SPPL3: variants seen among roughly 807,000 people sequenced by gnomAD.
The protein encoded by SPPL3 is signal peptide peptidase like 3.
A neutral mutation model predicts 42.4 loss-of-function variants in SPPL3; 5 were observed. The observed-to-expected ratio is 0.12, with a 90% confidence interval of 0.06 to 0.25. SPPL3 has a LOEUF of 0.25. SPPL3 is among the 10% of genes least tolerant of loss of function. The pLI is 1.00. For missense variants in SPPL3, 235 were observed against 489.0 expected (o/e 0.48, Z 4.90); for synonymous variants, 195 against 181.8 (o/e 1.07, Z -0.58).
intron 1 of SPPL3, among the ~76,000 whole-genome samples, chr12:120,882,287 G>T (rs1278818399): frequency 6.6e-6 from 1 of 152,118 alleles, no homozygotes; most frequent in Non-Finnish European, 1.5e-5. Flanking sequence ...GATAAGAGGG[G>T]ACTACTGTAT....
Position 120,813,744 on chromosome 12 carries a change from GA to G in SPPL3, c.24-2859del, listed in dbSNP as rs1347298216. On this transcript the variant is annotated intron_variant, in intron 1 of 10. Coordinates refer to ENST00000353487, the MANE Select transcript of SPPL3 (RefSeq NM_139015.5). ...TCTTGGGTTCCTAAGGAAGCCAACT[GA>G]AATCCAACTCAGAGTAACTCAACCC... is the stretch of plus-strand genomic sequence containing the variant. Among the ~76,000 whole-genome samples, 3 of 152,056 alleles carry G rather than the reference GA, an allele frequency of 2.0e-5. No homozygotes were observed. In the East Asian group the frequency reaches 5.8e-4, roughly 29 times the overall value.
At position 120,769,098 on chromosome 12, in the gene SPPL3, T is replaced by A. The variant is rs548390076; in HGVS notation, c.503-39A>T. ...AGGGTACAGCAGACAGCAGTCAGTG[T>A]GGACTCCAGGCTCATCCTCTTTCCA... On this transcript the variant is annotated intron_variant, in intron 6 of 10. Coordinates refer to ENST00000353487, the MANE Select transcript of SPPL3 (RefSeq NM_139015.5). 4 of 1,501,284 alleles carry A rather than the reference T, an allele frequency of 2.7e-6. No homozygotes were observed. The South Asian group carries it at 4.7e-5, about 18-fold the overall frequency. 93.0% of individuals were successfully genotyped at this position (1,501,284 alleles called of 1,614,324 possible).
chr12:120,868,733 G>A (rs545970793), intron 1 of SPPL3, among the ~76,000 whole-genome samples: 1 of 152,142 alleles, frequency 6.6e-6, no homozygotes, highest in Non-Finnish European at 1.5e-5. Flanking sequence ...ACCCACCTCG[G>A]CCTCCCAAAG....
chr12:120,860,188 A>T (rs1403863934), intron 1 of SPPL3, among the ~76,000 whole-genome samples: 1 of 152,190 alleles, frequency 6.6e-6, no homozygotes, highest in South Asian at 2.1e-4. Context: ...TGGGTGACAC[A>T]GCAAGACCCT....
chr12:120,810,752 G>A, intron 2 of SPPL3, 57 bp downstream of exon 2: 1 of 1,370,624 alleles, frequency 7.3e-7, no homozygotes, highest in Non-Finnish European at 1.0e-6. Flanking sequence ...CACTTTCAGA[G>A]CAATGCTTCC....
At position 120,830,578 on chromosome 12, in the gene SPPL3, A is replaced by AG. The variant is rs1566054502; in HGVS notation, c.24-19693_24-19692insC. On this transcript the variant is annotated intron_variant, in intron 1 of 10. Transcript: ENST00000353487. ...AGGGGGAGGGGTGGGGGAGGGGGGG[A>AG]AGGAGAGAGAGAGAGAGAGAGAGAG... 1.2e-3 allele frequency among the ~76,000 whole-genome samples: 37 copies of AG among 29,888 alleles called. 7 individuals carry two copies. Among genetic ancestry groups the AG allele is most frequent in the South Asian group, 2.4e-3 (2 of 838 alleles). 19.6% of individuals were successfully genotyped at this position (29,888 alleles called of 152,430 possible).
In SPPL3 at chr12:120,803,168, A is replaced by G. The variant is rs117914673; in HGVS notation, c.101+7641T>C. On this transcript the variant is annotated intron_variant, in intron 2 of 10. Transcript: ENST00000353487. ...TTCTTTTTAAATCTGGCTGCTACAAAGCTTATGGTGGTCCTTGTGAAACAC... is the reference window on the plus strand; with the variant it reads ...TTCTTTTTAAATCTGGCTGCTACAAGGCTTATGGTGGTCCTTGTGAAACAC... 2.0e-4 allele frequency among the ~76,000 whole-genome samples: 31 copies of G among 152,274 alleles called. No homozygotes were observed. The East Asian group carries it at 5.6e-3, about 27-fold the overall frequency.
chr12:120,899,651 G>A (rs1251938023), intron 1 of SPPL3, among the ~76,000 whole-genome samples: 1 of 152,072 alleles, frequency 6.6e-6, no homozygotes, highest in Non-Finnish European at 1.5e-5. Flanking sequence ...AGCACTTTGG[G>A]AGGCTGAGGC....
intron 6 of SPPL3, among the ~76,000 whole-genome samples, chr12:120,770,710 C>T (rs1014409574): frequency 2.6e-5 from 4 of 152,202 alleles, no homozygotes; most frequent in South Asian, 2.1e-4. Context: ...CAGAACTCCA[C>T]GGGCCTTTCC....
At chr12:120,819,776 G>GAA (rs1453600289) in intron 1 of SPPL3, among the ~76,000 whole-genome samples, 2 of 152,060 alleles carry the variant, frequency 1.3e-5, no homozygotes, top group Non-Finnish European at 2.9e-5. Flanking sequence ...CTTAACAAAA[G>GAA]AAACTTTTAC....
rs997922718 is a variant in SPPL3 at position 120,791,494 on chromosome 12, A to G, written c.165T>C (p.Ser55=). The G allele has an allele frequency of 1.2e-6, 2 of 1,607,522 alleles. No homozygotes were observed. Among genetic ancestry groups the G allele is most frequent in the African/African-American group, 2.7e-5 (2 of 74,684 alleles). Residue 55 remains serine (S), a synonymous_variant, in exon 3 of 11, where the codon TCT becomes TCC. Transcript: ENST00000353487. ...KEKDSNSSSG[S]FNGNSTNNSI... ...TATTATTGGTGCTGTTGCCATTGAA[A>G]GACCCAGAAGAACTATTACTGTCTT...
At chr12:120,874,253 G>C (rs1359869372) in intron 1 of SPPL3, among the ~76,000 whole-genome samples, 1 of 151,990 alleles carries the variant, frequency 6.6e-6, no homozygotes, top group African/African-American at 2.4e-5. Flanking sequence ...AGGAGATCGA[G>C]ACCAACCTGG....
chr12:120,766,151 C>T, intron 10 of SPPL3, 112 bp downstream of exon 10: 1 of 813,844 alleles, frequency 1.2e-6, no homozygotes, highest in Non-Finnish European at 1.9e-6. Flanking sequence ...CAGTCGAGAT[C>T]ACAAGCTCAC....
At chr12:120,789,448 T>A (rs1333493895) in intron 3 of SPPL3, among the ~76,000 whole-genome samples, 1 of 17,314 alleles carries the variant, frequency 5.8e-5, no homozygotes, top group Non-Finnish European at 1.3e-4. Context: ...TGAGACTCTG[T>A]CTCAAAAAAA....
intron 1 of SPPL3, among the ~76,000 whole-genome samples, chr12:120,818,406 T>C (rs767689475): frequency 6.6e-6 from 1 of 152,168 alleles, no homozygotes; most frequent in African/African-American, 2.4e-5. Context: ...AGACAAAGAG[T>C]TACCAGAAAT....
chr12:120,860,674 G>A (rs1872595144), intron 1 of SPPL3, among the ~76,000 whole-genome samples: 1 of 151,996 alleles, frequency 6.6e-6, no homozygotes, highest in African/African-American at 2.4e-5. Flanking sequence ...TTATACACAC[G>A]CACAAAAGTT....
intron 1 of SPPL3, chr12:120,903,500 C>G (rs1033711685): frequency 1.6e-5 from 5 of 321,862 alleles, no homozygotes; most frequent in Admixed American, 5.4e-5. Context: ...AACACCCCCA[C>G]GAGTCAGTTC....
At chr12:120,900,599 A>AG (rs1873946117) in intron 1 of SPPL3, among the ~76,000 whole-genome samples, 1 of 142,480 alleles carries the variant, frequency 7.0e-6, no homozygotes, top group East Asian at 2.0e-4. Context: ...GTCTCAAGGA[A>AG]AAAAAAAAAA....
intron 1 of SPPL3, among the ~76,000 whole-genome samples, chr12:120,901,682 C>T (rs1873989758): frequency 6.6e-6 from 1 of 151,336 alleles, no homozygotes; most frequent in East Asian, 1.9e-4. Context: ...AAATTTTCTT[C>T]ATCTCAAAAC....
Sources: allele counts gnomAD v4.1 joint callset (sites outside exome capture counted in the v4.1 genomes callset), GRCh38; gene constraint gnomAD v4.1.1; transcripts MANE v1.5; gene names NCBI Gene and HGNC (gene_info 2026-07-23, HGNC 2026-07-21).